The following DLG2 variants were observed in gnomAD, a reference collection of about 807,000 sequenced individuals.
The protein encoded by DLG2 is discs large MAGUK scaffold protein 2, also known as disks large homolog 2.
A neutral mutation model predicts 132.5 loss-of-function variants in DLG2; 45 were observed. The observed-to-expected ratio is 0.34, with a 90% confidence interval of 0.27 to 0.44. The LOEUF is 0.44. Ranked by LOEUF, DLG2 falls within the 20% of genes least tolerant of loss-of-function variation. The probability of loss-of-function intolerance (pLI) is 1.00; values close to 1 mark genes in which losing one functional copy is unlikely to be tolerated. For synonymous variants in DLG2, 424 were observed against 419.6 expected, an observed-to-expected ratio of 1.01 and a Z score of -0.13; for missense variants, 1,045 against 1,196.9, an observed-to-expected ratio of 0.87 and a Z score of 1.87.
intron 7 of DLG2, among the ~76,000 whole-genome samples, chr11:84,279,539 C>G (rs867596879): frequency 3.1e-4 from 47 of 152,250 alleles, no homozygotes; most frequent in Admixed American, 2.0e-3. Context: ...TTCACAATAG[C>G]AAAGACTTAG....
chr11:85,088,288 A>C (rs149631232), intron 6 of DLG2, among the ~76,000 whole-genome samples: 2 of 152,286 alleles, frequency 1.3e-5, no homozygotes, highest in African/African-American at 4.8e-5. Flanking sequence ...CCAAGAAATG[A>C]AGGTAATCGA....
intron 5 of DLG2, among the ~76,000 whole-genome samples, chr11:85,115,435 A>C (rs896259669): frequency 6.6e-6 from 1 of 152,010 alleles, no homozygotes; most frequent in Non-Finnish European, 1.5e-5. Context: ...TCTGCCTAAA[A>C]AAGTACTTAT....
intron 18 of DLG2, among the ~76,000 whole-genome samples, chr11:83,723,443 C>G (rs1251442818): frequency 6.6e-6 from 1 of 152,040 alleles, no homozygotes; most frequent in Non-Finnish European, 1.5e-5. Context: ...TGAATTTAGT[C>G]GAAGGAGGCC....
At chr11:84,208,817 T>C (rs909308041) in intron 8 of DLG2, among the ~76,000 whole-genome samples, 1 of 152,214 alleles carries the variant, frequency 6.6e-6, no homozygotes, top group Non-Finnish European at 1.5e-5. Flanking sequence ...GAAACCAGTT[T>C]ACATGTATAC....
intron 7 of DLG2, among the ~76,000 whole-genome samples, chr11:84,503,316 T>C (rs1455722048): frequency 3.3e-5 from 5 of 152,206 alleles, no homozygotes; most frequent in African/African-American, 1.2e-4. Context: ...AAAGACCTAA[T>C]AGTGAGCTTG....
intron 6 of DLG2, among the ~76,000 whole-genome samples, chr11:84,786,494 C>T (rs2072919662): frequency 6.6e-6 from 1 of 152,172 alleles, no homozygotes; most frequent in African/African-American, 2.4e-5. Flanking sequence ...CTACTAGAAA[C>T]TACAGGATGA....
chr11:84,715,171 C>T (rs74937313), intron 6 of DLG2, among the ~76,000 whole-genome samples: 11,061 of 152,132 alleles, frequency 0.073, 1,220 homozygotes, highest in African/African-American at 0.24. Context: ...ATGTGTCCTA[C>T]GGGCTTCACA....
At chr11:84,873,699 C>G (rs1455380684) in intron 6 of DLG2, among the ~76,000 whole-genome samples, 3 of 152,214 alleles carry the variant, frequency 2.0e-5, no homozygotes, top group Admixed American at 2.0e-4. Flanking sequence ...TACAGCATCC[C>G]TGCTCTTTTC....
At chr11:83,793,857 C>A (rs1254757393) in intron 17 of DLG2, among the ~76,000 whole-genome samples, 6 of 152,154 alleles carry the variant, frequency 3.9e-5, no homozygotes, top group African/African-American at 1.2e-4. Context: ...AATTAACCAA[C>A]ACAGAGTGCA....
chr11:85,580,542 C>T (rs770604357), intron 3 of DLG2, among the ~76,000 whole-genome samples: 1 of 152,210 alleles, frequency 6.6e-6, no homozygotes, highest in African/African-American at 2.4e-5. Context: ...ATGTGCTAGG[C>T]ACAGTGAGAA....
At chr11:85,082,600 T>A (rs985485870) in intron 6 of DLG2, among the ~76,000 whole-genome samples, 1 of 151,964 alleles carries the variant, frequency 6.6e-6, no homozygotes, top group Non-Finnish European at 1.5e-5. Context: ...CTTCTCTTGA[T>A]TGTTTTTTCA....
chr11:85,044,951 T>C (rs919568679), intron 6 of DLG2, among the ~76,000 whole-genome samples: 2 of 152,096 alleles, frequency 1.3e-5, no homozygotes, highest in Non-Finnish European at 2.9e-5. Flanking sequence ...GGCAGGATAC[T>C]GATATAACTT....
At chr11:84,099,230 C>T (rs2092170269) in intron 9 of DLG2, among the ~76,000 whole-genome samples, 183 bp from the exon 10 acceptor site, 1 of 151,794 alleles carries the variant, frequency 6.6e-6, no homozygotes, top group South Asian at 2.1e-4. Flanking sequence ...GAGGTTTATT[C>T]CTGCACTGTA....
At chr11:83,503,477 G>C (rs2094553714) in intron 21 of DLG2, among the ~76,000 whole-genome samples, 1 of 131,958 alleles carries the variant, frequency 7.6e-6, no homozygotes, top group Non-Finnish European at 1.6e-5. Flanking sequence ...ATATTATTAA[G>C]TATTAACTTA....
chr11:85,482,759 T>C (rs1011282453), intron 3 of DLG2, among the ~76,000 whole-genome samples: 9 of 151,976 alleles, frequency 5.9e-5, no homozygotes, highest in African/African-American at 1.9e-4. Flanking sequence ...AACCCCAGGC[T>C]CCAGGCTGGT....
At chr11:85,426,348 C>A (rs1167682261) in intron 3 of DLG2, among the ~76,000 whole-genome samples, 1 of 152,180 alleles carries the variant, frequency 6.6e-6, no homozygotes. Context: ...GTCCCTGACC[C>A]CTGAGTAGCC....
chr11:85,089,044 G>A lies in DLG2; in HGVS notation c.357+22617C>T, dbSNP rs1237405692. 5.3e-5 allele frequency among the ~76,000 whole-genome samples: 8 copies of A among 152,116 alleles called. No homozygotes were observed. In the East Asian group the frequency reaches 5.8e-4, roughly 11 times the overall value. On this transcript the variant is annotated intron_variant, in intron 6 of 27. Coordinates refer to ENST00000376104, the MANE Select transcript of DLG2 (RefSeq NM_001142699.3). Reference sequence around the variant, plus strand: ...TTATAAACTATGCTGTGAGTGTTGCGAGCAGAGCTCCTTACCACTTGAGGG... The same window carrying A: ...TTATAAACTATGCTGTGAGTGTTGCAAGCAGAGCTCCTTACCACTTGAGGG...
chr11:85,532,104 A>G (rs897314464), intron 3 of DLG2, among the ~76,000 whole-genome samples: 2 of 152,222 alleles, frequency 1.3e-5, no homozygotes, highest in Admixed American at 6.5e-5. Context: ...AAATATTTCA[A>G]TATCATAATC....
chr11:84,247,595 ATATAAGACAGAGCT>A, intron 8 of DLG2, among the ~76,000 whole-genome samples: 1 of 152,278 alleles, frequency 6.6e-6, no homozygotes, highest in African/African-American at 2.4e-5. Context: ...TCATGACCTC[ATATAAGACAGAGCT>A]TACTTAAGGC....
Sources: allele counts gnomAD v4.1 joint callset (sites outside exome capture counted in the v4.1 genomes callset), GRCh38; gene constraint gnomAD v4.1.1; transcripts MANE v1.5; gene names NCBI Gene and HGNC (gene_info 2026-07-23, HGNC 2026-07-21).